Variants in CTNNBL1 observed in about 807,000 individuals in gnomAD.
The protein encoded by CTNNBL1 is beta-catenin-like protein 1.
In CTNNBL1, 31 loss-of-function variants were observed where a neutral mutation model predicts 72.7. The ratio of observed to expected loss-of-function variants is 0.43; its 90% CI spans 0.32 to 0.58. CTNNBL1 has a LOEUF of 0.58. Ranked by LOEUF, CTNNBL1 falls within the 20% of genes least tolerant of loss-of-function variation. CTNNBL1 has a pLI of 0.08. For missense variants in CTNNBL1, 534 were observed against 725.1 expected, an observed-to-expected ratio of 0.74 and a Z score of 3.03; for synonymous variants, 240 against 267.3, an observed-to-expected ratio of 0.90 and a Z score of 1.00.
At chr20:37,842,788 C>T (rs958785456) in intron 13 of CTNNBL1, among the ~76,000 whole-genome samples, 1 of 152,142 alleles carries the variant, frequency 6.6e-6, no homozygotes, top group African/African-American at 2.4e-5. Flanking sequence ...CTGAAGGAGG[C>T]ATGCTGAGGA....
intron 11 of CTNNBL1, 121 bp from the exon 12 acceptor site, chr20:37,839,981 C>A: frequency 1.5e-6 from 1 of 645,726 alleles, no homozygotes; most frequent in Non-Finnish European, 2.7e-6. Flanking sequence ...TCTTATTAAT[C>A]AATAGCAGCA....
At chr20:37,748,191 C>A (rs1485075959) in intron 4 of CTNNBL1, among the ~76,000 whole-genome samples, 1 of 152,196 alleles carries the variant, frequency 6.6e-6, no homozygotes, top group East Asian at 1.9e-4. Context: ...TAATCTCTCT[C>A]CTGAGAGCGT....
At chr20:37,860,175 A>G in intron 14 of CTNNBL1, 97 bp from the exon 15 acceptor site, 1 of 1,473,046 alleles carries the variant, frequency 6.8e-7, no homozygotes, top group African/African-American at 1.4e-5. Context: ...CTTTTGTTTC[A>G]GGGATGGGGT....
At chr20:37,746,084 C>G (rs1163767035) in intron 3 of CTNNBL1, among the ~76,000 whole-genome samples, 1 of 152,030 alleles carries the variant, frequency 6.6e-6, no homozygotes, top group Non-Finnish European at 1.5e-5. Context: ...TAAGAGAAAC[C>G]CTTTTTGGAT....
intron 10 of CTNNBL1, among the ~76,000 whole-genome samples, chr20:37,782,176 C>G (rs2122697563): frequency 6.6e-6 from 1 of 152,254 alleles, no homozygotes; most frequent in African/African-American, 2.4e-5. Flanking sequence ...AAACAGGGTT[C>G]CTGCCTCCAA....
chr20:37,828,473 C>A (rs1027878349), intron 11 of CTNNBL1, among the ~76,000 whole-genome samples: 7 of 152,254 alleles, frequency 4.6e-5, no homozygotes, highest in African/African-American at 1.7e-4. Context: ...CTAACTAGGT[C>A]ACCTCCTAGC....
chr20:37,704,972 T>C (rs1475076627), intron 1 of CTNNBL1, among the ~76,000 whole-genome samples: 1 of 152,232 alleles, frequency 6.6e-6, no homozygotes, highest in Admixed American at 6.5e-5. Flanking sequence ...ATTGTTTAAA[T>C]TGAGGGATTG....
chr20:37,776,373 C>T (rs1355512740), intron 7 of CTNNBL1, among the ~76,000 whole-genome samples: 1 of 152,188 alleles, frequency 6.6e-6, no homozygotes, highest in African/African-American at 2.4e-5. Context: ...CTAAACAGAT[C>T]TGTGAATGGC....
At chr20:37,739,565 G>T (rs1406546081) in intron 3 of CTNNBL1, among the ~76,000 whole-genome samples, 3 of 152,040 alleles carry the variant, frequency 2.0e-5, no homozygotes, top group Admixed American at 2.0e-4. Flanking sequence ...AGATTGAAGG[G>T]TATGTACATT....
At chr20:37,817,153 C>G (rs977340922) in intron 11 of CTNNBL1, among the ~76,000 whole-genome samples, 43 of 152,132 alleles carry the variant, frequency 2.8e-4, no homozygotes, top group Non-Finnish European at 5.0e-4. Context: ...TCTGCTAGGG[C>G]CCCCCAAAGC....
rs745900422 is a variant in CTNNBL1, at chr20:37,871,939, A to G, written c.1618A>G (p.Ile540Val). 8 of 1,614,044 alleles carry G rather than the reference A, an allele frequency of 5.0e-6. No individual in the cohort carries two copies. The highest frequency in any genetic ancestry group is 1.3e-5 in the African/African-American group (1 of 75,028). The change falls in exon 16 of 16, where the codon ATC (isoleucine) becomes GTC (valine). Residue 540 changes from isoleucine to valine, a missense_variant. By Grantham distance (29) the Ile-to-Val change is conservative. Transcript: ENST00000361383. ...TGTCCCCCTAGAGTATGCAGAGAACATCGGGGACGGCCGGAGCCCGGAGTT... is the reference window on the plus strand; with the variant it reads ...TGTCCCCCTAGAGTATGCAGAGAACGTCGGGGACGGCCGGAGCCCGGAGTT... ...RHIIKEYAEN[I>V]GDGRSPEFRE...
intron 11 of CTNNBL1, among the ~76,000 whole-genome samples, chr20:37,838,585 G>A (rs2072274932): frequency 1.3e-5 from 2 of 152,138 alleles, no homozygotes; most frequent in South Asian, 2.1e-4. Context: ...CTTGTGTTTG[G>A]ACGTTAAGTT....
chr20:37,814,266 G>T (rs1395489483), intron 11 of CTNNBL1, among the ~76,000 whole-genome samples: 1 of 152,118 alleles, frequency 6.6e-6, no homozygotes, highest in Admixed American at 6.5e-5. Context: ...AAACTGTTTG[G>T]TGTCTTTTCT....
intron 1 of CTNNBL1, among the ~76,000 whole-genome samples, chr20:37,718,487 C>G (rs1380992287): frequency 1.6e-5 from 2 of 124,592 alleles, no homozygotes; most frequent in African/African-American, 6.5e-5. Flanking sequence ...CCCTCCCAGA[C>G]GGGGCGGCTG....
intron 7 of CTNNBL1, 139 bp downstream of exon 7, chr20:37,768,183 TCTC>T: frequency 1.6e-6 from 1 of 633,990 alleles, no homozygotes; most frequent in Non-Finnish European, 2.7e-6. Context: ...GCTTCTTTCT[TCTC>T]CGTTTTTGTT....
chr20:37,752,477 C>T (rs1022947587), intron 4 of CTNNBL1, among the ~76,000 whole-genome samples: 5 of 151,634 alleles, frequency 3.3e-5, no homozygotes, highest in African/African-American at 1.2e-4. Context: ...TTCTCTGAAT[C>T]TATACTGGTT....
intron 7 of CTNNBL1, among the ~76,000 whole-genome samples, chr20:37,768,720 A>G (rs2073494741): frequency 6.6e-6 from 1 of 152,162 alleles, no homozygotes; most frequent in Non-Finnish European, 1.5e-5. Flanking sequence ...TAATAGTTCT[A>G]TTTTATTATT....
intron 10 of CTNNBL1, among the ~76,000 whole-genome samples, chr20:37,793,249 A>G (rs2073741673): frequency 1.3e-5 from 2 of 152,126 alleles, no homozygotes; most frequent in East Asian, 1.9e-4. Flanking sequence ...GTAATTCGGG[A>G]TATGTCTATT....
chr20:37,788,311 T>C (rs1000378121), intron 10 of CTNNBL1, among the ~76,000 whole-genome samples: 1 of 152,232 alleles, frequency 6.6e-6, no homozygotes, highest in Non-Finnish European at 1.5e-5. Flanking sequence ...TAGCAAAAGA[T>C]ACACCTTTGG....
Sources: allele counts gnomAD v4.1 joint callset (sites outside exome capture counted in the v4.1 genomes callset), GRCh38; gene constraint gnomAD v4.1.1; transcripts MANE v1.5; gene names NCBI Gene and HGNC (gene_info 2026-07-23, HGNC 2026-07-21).